The following SYT1 variants were observed in gnomAD, a reference collection of about 807,000 sequenced individuals.
SYT1 encodes the protein synaptotagmin-1.
A neutral mutation model predicts 44.8 loss-of-function variants in SYT1; 8 were observed. The ratio of observed to expected loss-of-function variants is 0.18; its 90% CI spans 0.10 to 0.32. The LOEUF is 0.32. SYT1 is among the 10% of genes least tolerant of loss of function. SYT1 has a pLI of 1.00. For synonymous variants in SYT1, 154 were observed against 188.8 expected (o/e 0.82, Z 1.51); for missense variants, 286 against 509.3 (o/e 0.56, Z 4.22).
intron 3 of SYT1, among the ~76,000 whole-genome samples, chr12:79,170,305 A>G (rs1871440358): frequency 6.6e-6 from 1 of 151,910 alleles, no homozygotes; most frequent in Non-Finnish European, 1.5e-5. Flanking sequence ...ACTAATTTAC[A>G]CTCCCACCAA....
chr12:79,046,393 C>G (rs1874059845), intron 2 of SYT1: 1 of 152,122 alleles, frequency 6.6e-6, no homozygotes, highest in Admixed American at 6.5e-5. Flanking sequence ...ATTCTTTCCT[C>G]ATTTTCATGA....
intron 2 of SYT1, among the ~76,000 whole-genome samples, chr12:78,989,360 T>C (rs1273226542): frequency 6.6e-6 from 1 of 152,132 alleles, no homozygotes; most frequent in Non-Finnish European, 1.5e-5. Flanking sequence ...TTAATATTTG[T>C]TATGTCACTT....
chr12:79,397,762 A>T (rs1230702489), intron 9 of SYT1, among the ~76,000 whole-genome samples: 2 of 152,216 alleles, frequency 1.3e-5, no homozygotes, highest in Non-Finnish European at 2.9e-5. Context: ...AGACTTAAAG[A>T]TGTGGGGAGG....
At chr12:79,236,811 TAAC>T (rs1185687660) in intron 4 of SYT1, among the ~76,000 whole-genome samples, 3 of 152,142 alleles carry the variant, frequency 2.0e-5, no homozygotes, top group Admixed American at 2.0e-4. Flanking sequence ...ATGGAAACAA[TAAC>T]AACGTAGCAT....
intron 3 of SYT1, among the ~76,000 whole-genome samples, chr12:79,178,301 C>G (rs915533831): frequency 6.6e-6 from 1 of 151,936 alleles, no homozygotes; most frequent in Non-Finnish European, 1.5e-5. Flanking sequence ...TAGTATCACT[C>G]AGCCACATAG....
Position 79,307,634 on chromosome 12 carries a change from GCGT to G in SYT1, c.810+8084_810+8086del, listed in dbSNP as rs1880467210. On this transcript the variant is annotated intron_variant, in intron 8 of 10. Transcript: ENST00000261205. ...AAGGGCTGGGGGTGGGGGTGGGGGG[GCGT>G]GGGGGGGGGCGGCAGGAGGAGCCCG... Among the ~76,000 whole-genome samples, 9 of 132,816 alleles carry G rather than the reference GCGT, an allele frequency of 6.8e-5. 1 individual carries two copies. The highest frequency in any genetic ancestry group is 2.3e-4 in the African/African-American group (8 of 35,466). The allele number at this position is 132,816 out of a possible 152,430, so 87.1% of individuals were successfully genotyped here.
At chr12:79,130,686 A>G (rs573615249) in intron 3 of SYT1, among the ~76,000 whole-genome samples, 87 of 152,218 alleles carry the variant, frequency 5.7e-4, no homozygotes, top group Admixed American at 2.2e-3. Flanking sequence ...AATTACCCGC[A>G]TGGGATTTGG....
At chr12:78,879,024 C>T (rs1455734030) in intron 1 of SYT1, among the ~76,000 whole-genome samples, 3 of 151,632 alleles carry the variant, frequency 2.0e-5, no homozygotes, top group Non-Finnish European at 1.5e-5. Context: ...GCTCACAGTC[C>T]ATTAGCCAGA....
rs77316764 is a variant in SYT1, at chr12:78,934,975, C to T, written c.-216-42824C>T. On this transcript the variant is annotated intron_variant, in intron 1 of 10. Coordinates refer to ENST00000261205, the MANE Select transcript of SYT1 (RefSeq NM_005639.3). ...AATAACCAAAGCCCAGATCTCGTCT[C>T]GTGCTCCACGGAAATCATGCCTCGC... Among the ~76,000 whole-genome samples the T allele has an allele frequency of 3.7e-4, 57 of 152,294 alleles. 1 individual carries two copies. In the East Asian group the frequency reaches 5.8e-3, roughly 15 times the overall value.
chr12:78,925,051 T>A (rs1036573037), intron 1 of SYT1, among the ~76,000 whole-genome samples: 1 of 151,918 alleles, frequency 6.6e-6, no homozygotes, highest in Admixed American at 6.6e-5. Flanking sequence ...TATTTATACA[T>A]GTTTATGAGT....
intron 4 of SYT1, among the ~76,000 whole-genome samples, chr12:79,250,895 G>T (rs1877170957): frequency 6.6e-6 from 1 of 152,018 alleles, no homozygotes; most frequent in East Asian, 1.9e-4. Flanking sequence ...TCTCTCTTAG[G>T]CAGGTGTCCT....
chr12:79,148,710 T>C (rs2138249431), intron 3 of SYT1, among the ~76,000 whole-genome samples: 1 of 152,296 alleles, frequency 6.6e-6, no homozygotes, highest in Non-Finnish European at 1.5e-5. Flanking sequence ...TCCAAAGGGC[T>C]GAGGTGCTAT....
intron 2 of SYT1, among the ~76,000 whole-genome samples, chr12:78,987,121 T>C (rs1038391018): frequency 6.6e-6 from 1 of 152,090 alleles, no homozygotes; most frequent in Non-Finnish European, 1.5e-5. Flanking sequence ...TTGCAACTTT[T>C]AGAGCCAGTT....
At chr12:78,878,941 T>A (rs538423291) in intron 1 of SYT1, among the ~76,000 whole-genome samples, 1 of 151,834 alleles carries the variant, frequency 6.6e-6, no homozygotes, top group South Asian at 2.1e-4. Flanking sequence ...TTCATTGCAG[T>A]AGGGCAAAGA....
At chr12:78,966,354 G>A (rs1254541921) in intron 1 of SYT1, among the ~76,000 whole-genome samples, 3 of 151,308 alleles carry the variant, frequency 2.0e-5, no homozygotes, top group African/African-American at 4.9e-5. Context: ...TCTAAGATTG[G>A]TACCCTTATC....
chr12:79,295,366 T>C (rs940863999), intron 6 of SYT1, among the ~76,000 whole-genome samples: 1 of 152,124 alleles, frequency 6.6e-6, no homozygotes, highest in African/African-American at 2.4e-5. Context: ...TCTGTGGTGT[T>C]TGGAAAAAAT....
In SYT1 at chr12:78,890,624, G is replaced by A. The variant is rs546476177; in HGVS notation, c.-217+25515G>A. ...TTCTACTTTTATCATCTTCCTCCTCGCTCCTTTTTCTTCCAAGCTTCACAG... is the reference window on the plus strand; with the variant it reads ...TTCTACTTTTATCATCTTCCTCCTCACTCCTTTTTCTTCCAAGCTTCACAG... On this transcript the variant is annotated intron_variant, in intron 1 of 10. Transcript: ENST00000261205. Among the ~76,000 whole-genome samples, 6 of 151,648 alleles carry A rather than the reference G, an allele frequency of 4.0e-5. No individual in the cohort carries two copies. In the South Asian group the frequency reaches 1.2e-3, roughly 32 times the overall value.
chr12:78,994,021 C>T (rs1870195418), intron 2 of SYT1, among the ~76,000 whole-genome samples: 1 of 152,222 alleles, frequency 6.6e-6, no homozygotes. Flanking sequence ...TTTCCATTGC[C>T]TACAAAGTGA....
At chr12:78,967,223 G>T (rs1239891475) in intron 1 of SYT1, among the ~76,000 whole-genome samples, 1 of 152,090 alleles carries the variant, frequency 6.6e-6, no homozygotes, top group Admixed American at 6.6e-5. Context: ...TAATCTGACG[G>T]CAAAAGCTGA....
Sources: gnomAD v4.1 joint callset for allele counts (sites outside exome capture counted in the v4.1 genomes callset) on GRCh38, gnomAD v4.1.1 for gene constraint, MANE v1.5 for transcripts, NCBI Gene and HGNC (gene_info 2026-07-23, HGNC 2026-07-21) for gene names.